Variants in PDE10A observed in about 807,000 individuals in gnomAD.
The protein encoded by PDE10A is phosphodiesterase 10A.
A neutral mutation model predicts 97.7 loss-of-function variants in PDE10A; 39 were observed. The observed-to-expected ratio is 0.40, with a 90% CI of 0.31 to 0.52. The LOEUF (loss-of-function observed/expected upper bound fraction) is 0.52, where lower values mean the gene tolerates loss of function less well. Among genes scored for constraint, PDE10A ranks in the 20% least tolerant of loss-of-function variants. The pLI is 0.56. For missense variants in PDE10A, 731 were observed against 1,047.8 expected (o/e 0.70, Z 4.17); for synonymous variants, 371 against 376.8 (o/e 0.98, Z 0.18).
At chr6:165,375,766 G>A (rs1007720571) in intron 18 of PDE10A, among the ~76,000 whole-genome samples, 26 of 152,182 alleles carry the variant, frequency 1.7e-4, no homozygotes, top group African/African-American at 5.5e-4. Flanking sequence ...TAAAGCCAAT[G>A]ATTATTTACC....
intron 17 of PDE10A, among the ~76,000 whole-genome samples, chr6:165,381,428 T>C (rs1360022345): frequency 3.3e-5 from 5 of 152,156 alleles, no homozygotes; most frequent in Admixed American, 2.0e-4. Context: ...TCCCCTTCAA[T>C]AATTTACAAG....
intron 4 of PDE10A, 38 bp downstream of exon 4, chr6:165,450,204 G>GT (rs755949265): frequency 1.9e-5 from 25 of 1,310,172 alleles, no homozygotes; most frequent in Non-Finnish European, 2.4e-5. Context: ...AAGAATCTTT[G>GT]CCCATTTTTT....
intron 1 of PDE10A, among the ~76,000 whole-genome samples, chr6:165,855,881 GCTTT>G (rs960435454): frequency 6.6e-6 from 1 of 152,126 alleles, no homozygotes; most frequent in African/African-American, 2.4e-5. Context: ...AGGAAGCCCC[GCTTT>G]CTTTCTTTCT....
At chr6:165,691,203 CCA>C (rs1241239698) in intron 1 of PDE10A, among the ~76,000 whole-genome samples, 1,482 of 108,620 alleles carry the variant, frequency 0.014, 45 homozygotes, top group Middle Eastern at 0.05. Flanking sequence ...CTCTCTCTCC[CCA>C]CACACACACA....
chr6:165,452,361 T>C (rs1259190586), intron 3 of PDE10A, among the ~76,000 whole-genome samples: 1 of 152,232 alleles, frequency 6.6e-6, no homozygotes, highest in Admixed American at 6.5e-5. Context: ...ACTGCTATGG[T>C]TTGAACATTT....
chr6:165,933,559 CAAA>C (rs1489753943), intron 1 of PDE10A, among the ~76,000 whole-genome samples: 1 of 152,054 alleles, frequency 6.6e-6, no homozygotes, highest in African/African-American at 2.4e-5. Context: ...TAAATTTATA[CAAA>C]TTCACATGGG....
At chr6:165,934,935 G>A (rs1012700300) in intron 1 of PDE10A, among the ~76,000 whole-genome samples, 7 of 152,124 alleles carry the variant, frequency 4.6e-5, no homozygotes, top group East Asian at 1.9e-4. Context: ...TTATTAATGC[G>A]AAGAACACAT....
intron 1 of PDE10A, among the ~76,000 whole-genome samples, chr6:165,648,420 GAA>G (rs376257570): frequency 6.8e-6 from 1 of 146,440 alleles, no homozygotes; most frequent in Non-Finnish European, 1.5e-5. Flanking sequence ...ATTAAAAAAA[GAA>G]AAAAAAAAGA....
chr6:165,816,296 C>T (rs1305640161), intron 1 of PDE10A, among the ~76,000 whole-genome samples: 1 of 152,206 alleles, frequency 6.6e-6, no homozygotes, highest in Non-Finnish European at 1.5e-5. Context: ...ATAACCAACT[C>T]CTGATAAAGA....
At chr6:165,460,407 G>A (rs547697281) in intron 3 of PDE10A, among the ~76,000 whole-genome samples, 1 of 152,308 alleles carries the variant, frequency 6.6e-6, no homozygotes, top group East Asian at 1.9e-4. Context: ...GTGGGAATGG[G>A]AAAAAGTGAA....
At position 165,826,274 on chromosome 6, in the gene PDE10A, C is replaced by T. The variant is rs181127022; in HGVS notation, c.-615+161255G>A. 4.0e-5 allele frequency among the ~76,000 whole-genome samples: 6 copies of T among 150,048 alleles called. No homozygotes were observed. In the South Asian group the frequency reaches 1.1e-3, roughly 27 times the overall value. On this transcript the variant is annotated intron_variant, in intron 1 of 19. Transcript: ENST00000366882. ...CAGGATGGCCACGATGGCCCTCTGA[C>T]TCGATGTCCCTCTGTCCCCATGTCC...
intron 1 of PDE10A, among the ~76,000 whole-genome samples, chr6:165,771,869 G>A (rs963558506): frequency 1.3e-5 from 2 of 152,142 alleles, no homozygotes; most frequent in Admixed American, 1.3e-4. Context: ...CCTGGCCTAC[G>A]CGGTGTGATG....
At chr6:165,694,839 A>AG (rs1018265138) in intron 1 of PDE10A, among the ~76,000 whole-genome samples, 7 of 128,696 alleles carry the variant, frequency 5.4e-5, no homozygotes, top group African/African-American at 2.0e-4. Flanking sequence ...AAACAGAAAC[A>AG]AAAAACAAAA....
chr6:165,551,840 G>A (rs1784031613), intron 1 of PDE10A, among the ~76,000 whole-genome samples: 1 of 152,178 alleles, frequency 6.6e-6, no homozygotes, highest in Non-Finnish European at 1.5e-5. Context: ...CTTTGTAGCA[G>A]AAGCCCCCTG....
At chr6:165,612,377 ATT>A (rs200018373) in intron 1 of PDE10A, among the ~76,000 whole-genome samples, 9 of 147,966 alleles carry the variant, frequency 6.1e-5, no homozygotes, top group Non-Finnish European at 1.0e-4. Context: ...ATAAACACAG[ATT>A]TTTTTTTTTT....
chr6:165,427,928 A>G (rs1470505430), intron 10 of PDE10A, among the ~76,000 whole-genome samples: 1 of 152,102 alleles, frequency 6.6e-6, no homozygotes, highest in African/African-American at 2.4e-5. Context: ...TTATTCTCTA[A>G]TTACCTTTAG....
chr6:165,967,820 T>TGTG lies in PDE10A; in HGVS notation c.-615+19708_-615+19709insCAC, dbSNP rs1168128845. ...ATGAATTTATACACAAGAGAAGTGA[T>TGTG]TCCCATGTTTCATTTGATGTGTAAA... On this transcript the variant is annotated intron_variant, in intron 1 of 19. Coordinates refer to the PDE10A transcript ENST00000366882. 3.2e-4 allele frequency among the ~76,000 whole-genome samples: 48 copies of TGTG among 152,338 alleles called. No individual in the cohort carries two copies. The South Asian group carries it at 4.6e-3, about 14-fold the overall frequency.
chr6:165,531,356 T>A (rs1385780705), intron 2 of PDE10A, among the ~76,000 whole-genome samples: 1 of 151,668 alleles, frequency 6.6e-6, no homozygotes, highest in Admixed American at 6.6e-5. Flanking sequence ...GAAAATAAAT[T>A]AATTTGTAAA....
intron 1 of PDE10A, chr6:165,773,401 G>C (rs1357137494): frequency 6.6e-6 from 1 of 152,184 alleles, no homozygotes; most frequent in Non-Finnish European, 1.5e-5. Context: ...GGCTATATTT[G>C]AAATGTTGCT....
Sources: allele counts gnomAD v4.1 joint callset (sites outside exome capture counted in the v4.1 genomes callset), GRCh38; gene constraint gnomAD v4.1.1; transcripts MANE v1.5; gene names NCBI Gene and HGNC (gene_info 2026-07-23, HGNC 2026-07-21).